NRDE2: variants seen among roughly 807,000 people sequenced by gnomAD.
The protein encoded by NRDE2 is nuclear exosome regulator NRDE2.
In NRDE2, 76 loss-of-function variants were observed where a neutral mutation model predicts 124.2. The observed-to-expected ratio is 0.61, with a 90% CI of 0.51 to 0.74. The LOEUF (loss-of-function observed/expected upper bound fraction) is 0.74, where lower values mean the gene tolerates loss of function less well. Among genes scored for constraint, NRDE2 ranks in the 30% least tolerant of loss-of-function variants. The pLI is 0.00. For missense variants in NRDE2, 1,314 were observed against 1,417.3 expected, an observed-to-expected ratio of 0.93 and a Z score of 1.17; for synonymous variants, 489 against 528.1, an observed-to-expected ratio of 0.93 and a Z score of 1.01.
chr14:90,288,735 G>A lies in NRDE2; in HGVS notation c.2640C>T (p.His880=), dbSNP rs116700647. ...TGTCACCCAAACAGTCCTGCAGTGC[G>A]TGCTCATAAGCCTTTCGCGCTTTCA... ...HILKARKAYE[H]ALQDCLGDSC... Residue 880 remains histidine (H), a synonymous_variant, in exon 11 of 14, where the codon CAC becomes CAT. Coordinates refer to ENST00000354366, the MANE Select transcript of NRDE2 (RefSeq NM_017970.4). 1.0e-3 allele frequency: 1,661 copies of A among 1,614,146 alleles called. 17 individuals are homozygous for A. In the African/African-American group the frequency reaches 0.02, roughly 20 times the overall value.
rs970371642 is a variant in NRDE2 at position 90,274,567 on chromosome 14, A to T, written c.*3769T>A. ...AAAAGTATTATTCTCCACTAAAAGG[A>T]GTGAGGGCTGATTCCGGGGCTAGGC... On this transcript the variant is annotated 3_prime_UTR_variant, in exon 14 of 14. Transcript: ENST00000354366. 6.6e-6 allele frequency: 1 copy of T among 152,168 alleles called. No homozygotes were observed. The highest frequency in any genetic ancestry group is 2.4e-5 in the African/African-American group (1 of 41,402). 9.4% of individuals were successfully genotyped at this position (152,168 alleles called of 1,614,324 possible).
chr14:90,312,979 C>T (rs983973853), intron 3 of NRDE2, among the ~76,000 whole-genome samples: 2 of 152,160 alleles, frequency 1.3e-5, no homozygotes, highest in African/African-American at 4.8e-5. Context: ...GTGACAACAC[C>T]AATAATCAAG....
At position 90,298,320 on chromosome 14, in the gene NRDE2, G is replaced by A. The variant is rs373563445; in HGVS notation, c.1606C>T (p.Arg536Ter). Residue 536 changes from arginine to a stop codon, truncating the protein, a stop_gained, in exon 8 of 14, where the codon CGA becomes TGA. Transcript: ENST00000354366. LOFTEE classifies it high-confidence loss of function. Reference protein sequence around the residue: ...GEPRAGEKGARGWKAWMHQQE... With the variant: ...GEPRAGEKGA Reference sequence around the variant, plus strand: ...TGGTGCATCCACGCCTTCCAGCCTCGGGCTCCCTTCTCCCCAGCCCGGGGC... The same window carrying A: ...TGGTGCATCCACGCCTTCCAGCCTCAGGCTCCCTTCTCCCCAGCCCGGGGC... 8.2e-5 allele frequency: 133 copies of A among 1,613,488 alleles called. No homozygotes were observed. Among genetic ancestry groups the A allele is most frequent in the Non-Finnish European group, 1.1e-4 (127 of 1,179,962 alleles).
At chr14:90,321,392 C>T (rs1048723114) in intron 1 of NRDE2, among the ~76,000 whole-genome samples, 4 of 151,678 alleles carry the variant, frequency 2.6e-5, no homozygotes, top group Non-Finnish European at 5.9e-5. Context: ...TGAGGCTTTG[C>T]TGTATGGCAC....
chr14:90,283,706 G>GTTTTTTTT (rs199636568), intron 12 of NRDE2, among the ~76,000 whole-genome samples: 2 of 147,156 alleles, frequency 1.4e-5, no homozygotes, highest in Non-Finnish European at 1.5e-5. Flanking sequence ...ACTTTTGCAG[G>GTTTTTTTT]TTTTTTGTTT....
At chr14:90,308,864 C>T (rs1047536555) in intron 4 of NRDE2, among the ~76,000 whole-genome samples, 1 of 152,034 alleles carries the variant, frequency 6.6e-6, no homozygotes, top group Non-Finnish European at 1.5e-5. Flanking sequence ...AAATGTCAAC[C>T]GCACAGGGAA....
chr14:90,331,862 C>A lies in NRDE2; in HGVS notation c.43G>T (p.Asp15Tyr). Residue 15 changes from aspartate (D) to tyrosine (Y), a missense_variant, in exon 1 of 14, where the codon GAT (aspartate) becomes TAT (tyrosine). Transcript: ENST00000354366. The stretch of plus-strand genomic sequence containing the variant: ...TTACCTTTCCTGGAGCTCCCGCCAT[C>A]GGGAGCCTCACTAAGCCCCGCAAAG... ...PAFAGLSEAP[D>Y]GGSSRKELDW... 6.2e-7 allele frequency: 1 copy of A among 1,614,116 alleles called. No individual in the cohort carries two copies. Among genetic ancestry groups the A allele is most frequent in the South Asian group, 1.1e-5 (1 of 91,088 alleles).
rs756041680 is a variant in NRDE2 at position 90,304,120 on chromosome 14, T to C, written c.820A>G (p.Ile274Val). ...PVTTWLNPLG[I>V]YDQSTTHWLQ... ...CAATGTGTGGTTGACTGATCATAAA[T>C]CCCCAGAGGATTCAACCAGGTTGTA... Residue 274 changes from isoleucine (I) to valine (V), a missense_variant, in exon 5 of 14, where the codon ATT (isoleucine) becomes GTT (valine). Ile to Val is a conservative substitution (Grantham distance 29, BLOSUM62 3). Transcript: ENST00000354366. The C allele has an allele frequency of 6.2e-7, 1 of 1,614,128 alleles. No homozygotes were observed. The highest frequency in any genetic ancestry group is 1.7e-5 in the Admixed American group (1 of 60,020).
In NRDE2 at chr14:90,289,127, T is replaced by G; in HGVS notation, c.2248A>C (p.Thr750Pro). 6.2e-7 allele frequency: 1 copy of G among 1,606,344 alleles called. No homozygotes were observed. The highest frequency in any genetic ancestry group is 8.5e-7 in the Non-Finnish European group (1 of 1,174,188). ...GACTTTAATCTCTTCTTGTTTTTAG[T>G]GTGCAGGCACCAAATGACCTACAGG... ...EIAKVIWCLH[T>P]KNKKRLKSQG... The change falls in exon 11 of 14, where the codon ACT becomes CCT. Residue 750 changes from threonine (T) to proline (P), a missense_variant. Physicochemically the swap from Thr to Pro is conservative, Grantham distance 38 (BLOSUM62 -1). Transcript: ENST00000354366.
rs1178065636 is a variant in NRDE2, at chr14:90,289,011, A to T, written c.2364T>A (p.His788Gln). The change falls in exon 11 of 14, where the codon CAT becomes CAA. Residue 788 changes from histidine (H) to glutamine (Q), a missense_variant. Transcript: ENST00000354366. Reference protein sequence around the residue: ...NNFCLWKQYAHLEWLLGNTED... With the variant: ...NNFCLWKQYAQLEWLLGNTED... ...CCGTGTTGCCAAGCAACCACTCCAG[A>T]TGTGCATACTGCTTCCACAGGCAAA... 1.9e-6 allele frequency: 3 copies of T among 1,614,028 alleles called. No individual in the cohort carries two copies. The African/African-American group carries it at 4.0e-5, about 22-fold the overall frequency.
rs1288236871 is a variant in NRDE2 at position 90,304,124 on chromosome 14, C to T, written c.816G>A (p.Leu272=). Residue 272 remains leucine (L), a synonymous_variant, in exon 5 of 14, where the codon CTG becomes CTA. Transcript: ENST00000354366. ...AAPVTTWLNP[L]GIYDQSTTHW... ...GTGTGGTTGACTGATCATAAATCCC[C>T]AGAGGATTCAACCAGGTTGTAACAG... is the stretch of plus-strand genomic sequence containing the variant. 2 of 1,614,172 alleles carry T rather than the reference C, an allele frequency of 1.2e-6. No individual in the cohort carries two copies. Among genetic ancestry groups the T allele is most frequent in the Non-Finnish European group, 1.7e-6 (2 of 1,180,042 alleles).
At chr14:90,330,582 T>C (rs1424476211) in intron 1 of NRDE2, among the ~76,000 whole-genome samples, 1 of 151,912 alleles carries the variant, frequency 6.6e-6, no homozygotes, top group East Asian at 1.9e-4. Context: ...GAGGCTCAGA[T>C]AGAGAATCGC....
intron 1 of NRDE2, among the ~76,000 whole-genome samples, chr14:90,324,093 C>T (rs1885333793): frequency 6.6e-6 from 1 of 152,060 alleles, no homozygotes. Context: ...AGAAAGCTAA[C>T]TGAGAAAATC....
chr14:90,312,512 G>C lies in NRDE2; in HGVS notation c.439C>G (p.His147Asp), dbSNP rs772901284. The change falls in exon 4 of 14, where the codon CAT (histidine) becomes GAT (aspartate). Residue 147 changes from histidine to aspartate, a missense_variant. By Grantham distance (81) the His-to-Asp change is moderately conservative (BLOSUM62 -1). Transcript: ENST00000354366. ...ATGTCCTCAAGCCAAACAAAGCGAT[G>C]TCCAGTATCAGCTGCAGCATTATTT... is the stretch of plus-strand genomic sequence containing the variant. ...QGNNAAADTGHRFVWLEDIQA... is the reference protein window; with the variant it reads ...QGNNAAADTGDRFVWLEDIQA... 6.2e-7 allele frequency: 1 copy of C among 1,613,998 alleles called. No homozygotes were observed.
chr14:90,315,012 AC>A (rs1884987667), intron 3 of NRDE2, among the ~76,000 whole-genome samples: 1 of 151,736 alleles, frequency 6.6e-6, no homozygotes, highest in Admixed American at 6.6e-5. Flanking sequence ...CCCCGTCTCT[AC>A]TAAAAACACA....
At chr14:90,315,957 CAAAAAAAA>C (rs59604203) in intron 3 of NRDE2, among the ~76,000 whole-genome samples, 1 of 74,410 alleles carries the variant, frequency 1.3e-5, no homozygotes, top group Non-Finnish European at 2.5e-5. Flanking sequence ...AACCCCGTCT[CAAAAAAAA>C]AAAAAAAAAA....
At chr14:90,303,190 G>A (rs1257905523) in intron 5 of NRDE2, 65 bp from the exon 6 acceptor site, 4 of 1,462,976 alleles carry the variant, frequency 2.7e-6, no homozygotes, top group Non-Finnish European at 2.8e-6. Context: ...TTTCAACAAT[G>A]CTTACTGATT....
At chr14:90,283,057 A>C (rs1891999039) in intron 12 of NRDE2, among the ~76,000 whole-genome samples, 2 of 152,180 alleles carry the variant, frequency 1.3e-5, no homozygotes, top group South Asian at 4.1e-4. Context: ...GCCCTCCTCC[A>C]GGGAGCCTTA....
intron 8 of NRDE2, among the ~76,000 whole-genome samples, chr14:90,296,129 G>C (rs1001526851): frequency 6.6e-6 from 1 of 152,172 alleles, no homozygotes; most frequent in African/African-American, 2.4e-5. Context: ...CAGATACTAT[G>C]CATTGTAATG....
Sources: gnomAD v4.1 joint callset for allele counts (sites outside exome capture counted in the v4.1 genomes callset) on GRCh38, gnomAD v4.1.1 for gene constraint, MANE v1.5 for transcripts, NCBI Gene and HGNC (gene_info 2026-07-23, HGNC 2026-07-21) for gene names.